The following PTPRN2 variants were observed in gnomAD, a reference collection of about 807,000 sequenced individuals.
The protein encoded by PTPRN2 is protein tyrosine phosphatase receptor type N2.
PTPRN2 carries 74 observed loss-of-function variants against 118.8 expected under a neutral mutation model. The observed-to-expected ratio is 0.62, with a 90% CI of 0.52 to 0.76. PTPRN2 has a LOEUF of 0.76. Ranked by LOEUF, PTPRN2 falls within the 30% of genes least tolerant of loss-of-function variation. PTPRN2 has a pLI of 0.00. For missense variants in PTPRN2, 1,481 were observed against 1,394.4 expected (o/e 1.06, Z -0.99); for synonymous variants, 641 against 608.0 (o/e 1.05, Z -0.80).
intron 9 of PTPRN2, among the ~76,000 whole-genome samples, chr7:158,123,883 G>T (rs1268813872): frequency 6.6e-6 from 1 of 152,082 alleles, no homozygotes; most frequent in African/African-American, 2.4e-5. Flanking sequence ...TTGGATCTCA[G>T]ATCCCGTGCC....
chr7:158,432,657 A>G (rs1054819817), intron 2 of PTPRN2, among the ~76,000 whole-genome samples: 1 of 152,266 alleles, frequency 6.6e-6, no homozygotes, highest in Non-Finnish European at 1.5e-5. Flanking sequence ...TTGTTGAGAT[A>G]CTATGCATTC....
intron 12 of PTPRN2, among the ~76,000 whole-genome samples, chr7:157,842,420 T>C (rs1808493786): frequency 1.4e-5 from 2 of 140,604 alleles, no homozygotes; most frequent in South Asian, 4.5e-4. Flanking sequence ...CTTTTTTTTT[T>C]TTTTTTTTTT....
chr7:157,639,686 A>G (rs1804555988), intron 14 of PTPRN2, among the ~76,000 whole-genome samples: 1 of 152,204 alleles, frequency 6.6e-6, no homozygotes, highest in Admixed American at 6.5e-5. Flanking sequence ...AGGGTCTTGG[A>G]CTTTGCTGCC....
intron 2 of PTPRN2, among the ~76,000 whole-genome samples, chr7:158,325,676 G>A (rs969407895): frequency 2.0e-5 from 3 of 152,214 alleles, no homozygotes; most frequent in African/African-American, 4.8e-5. Flanking sequence ...GATGAGAGGC[G>A]TGGGAGGCTG....
chr7:158,437,921 T>G (rs943830166), intron 2 of PTPRN2, among the ~76,000 whole-genome samples: 1 of 152,344 alleles, frequency 6.6e-6, no homozygotes, highest in Middle Eastern at 3.4e-3. Flanking sequence ...TGTGTGTTGA[T>G]GACCCTATGA....
At chr7:158,366,578 G>C (rs776034649) in intron 2 of PTPRN2, among the ~76,000 whole-genome samples, 1 of 152,190 alleles carries the variant, frequency 6.6e-6, no homozygotes, top group Non-Finnish European at 1.5e-5. Flanking sequence ...AGCCCACAGC[G>C]CCTTGTTTCC....
Position 158,270,762 on chromosome 7 carries a change from ACCACC to A in PTPRN2, c.277+46052_277+46056del, listed in dbSNP as rs1563066924. Reference sequence around the variant, plus strand: ...TACCTGAGCCGTCTTCTCCACCTGGACCACCCCGTCCACCTGGACCACCCCTCCAC... The same window carrying A: ...TACCTGAGCCGTCTTCTCCACCTGGACCGTCCACCTGGACCACCCCTCCAC... On this transcript the variant is annotated intron_variant, in intron 3 of 22. Transcript: ENST00000389418. Among the ~76,000 whole-genome samples, 6 of 140,900 alleles carry A rather than the reference ACCACC, an allele frequency of 4.3e-5. 1 individual carries two copies. The highest frequency in any genetic ancestry group is 4.5e-4 in the South Asian group (2 of 4,422). 92.4% of individuals were successfully genotyped at this position (140,900 alleles called of 152,430 possible). A position where few individuals can be genotyped will look rare whatever the true frequency, so the allele number is the denominator to read the frequency against.
chr7:157,692,234 C>T (rs1332432308), intron 12 of PTPRN2, among the ~76,000 whole-genome samples: 4 of 152,058 alleles, frequency 2.6e-5, no homozygotes, highest in African/African-American at 7.2e-5. Flanking sequence ...TCCCGCCGCA[C>T]ACCCGGCTGC....
At chr7:158,133,310 G>A (rs1818526716) in intron 9 of PTPRN2, among the ~76,000 whole-genome samples, 1 of 152,198 alleles carries the variant, frequency 6.6e-6, no homozygotes, top group Non-Finnish European at 1.5e-5. Flanking sequence ...ACACTTACCT[G>A]CCCCGAGACC....
chr7:157,901,704 GGCCTTCCCGTCCGTGTTTCCTGGGTCCT>G (rs1425901079), intron 11 of PTPRN2, among the ~76,000 whole-genome samples: 4 of 90,866 alleles, frequency 4.4e-5, no homozygotes, highest in African/African-American at 2.0e-4. Flanking sequence ...CCCGAAGTGG[GGCCTTCCCGTCCGTGTTTCCTGGGTCCT>G]GAGGTGGGGC....
At chr7:158,434,144 G>A (rs1030046703) in intron 2 of PTPRN2, among the ~76,000 whole-genome samples, 1 of 152,080 alleles carries the variant, frequency 6.6e-6, no homozygotes, top group Non-Finnish European at 1.5e-5. Flanking sequence ...TGTATGCTGT[G>A]TGCACTGGAA....
chr7:158,389,495 A>C (rs1811757295), intron 2 of PTPRN2, among the ~76,000 whole-genome samples: 1 of 152,260 alleles, frequency 6.6e-6, no homozygotes, highest in African/African-American at 2.4e-5. Context: ...TCCCTTGCAC[A>C]GACACCAGAG....
intron 12 of PTPRN2, among the ~76,000 whole-genome samples, chr7:157,804,613 TA>T (rs1320060044): frequency 6.6e-6 from 1 of 152,040 alleles, no homozygotes; most frequent in Non-Finnish European, 1.5e-5. Flanking sequence ...GGGTGACACA[TA>T]AGGTGAGGAC....
intron 12 of PTPRN2, among the ~76,000 whole-genome samples, chr7:157,772,408 CAT>C (rs1450668690): frequency 6.6e-6 from 1 of 152,134 alleles, no homozygotes; most frequent in Non-Finnish European, 1.5e-5. Context: ...CAGAGACACA[CAT>C]AGACACAAAC....
At chr7:157,981,732 G>A (rs1019857297) in intron 11 of PTPRN2, among the ~76,000 whole-genome samples, 8 of 152,220 alleles carry the variant, frequency 5.3e-5, no homozygotes, top group African/African-American at 9.6e-5. Flanking sequence ...ACCCTTGGGC[G>A]TTTCCAAGTT....
chr7:157,665,784 C>T (rs1308055738), intron 13 of PTPRN2, among the ~76,000 whole-genome samples: 1 of 152,206 alleles, frequency 6.6e-6, no homozygotes, highest in Non-Finnish European at 1.5e-5. Flanking sequence ...CACATATACA[C>T]CATGGAATAC....
chr7:158,128,555 C>G (rs1817885551), intron 9 of PTPRN2, among the ~76,000 whole-genome samples: 1 of 152,134 alleles, frequency 6.6e-6, no homozygotes. Flanking sequence ...CAAGCACAGA[C>G]AGGAAATGAC....
intron 19 of PTPRN2, among the ~76,000 whole-genome samples, chr7:157,574,770 C>T (rs1168630011): frequency 1.3e-5 from 2 of 152,214 alleles, no homozygotes; most frequent in South Asian, 2.1e-4. Flanking sequence ...TCGCTGAAAT[C>T]GGGGTGGCTA....
chr7:157,782,672 A>T (rs759681198), intron 12 of PTPRN2, among the ~76,000 whole-genome samples: 3 of 152,264 alleles, frequency 2.0e-5, no homozygotes, highest in African/African-American at 7.2e-5. Context: ...CGGTACTCCA[A>T]GAAATTATTT....
Sources: allele counts gnomAD v4.1 joint callset (sites outside exome capture counted in the v4.1 genomes callset), GRCh38; gene constraint gnomAD v4.1.1; transcripts MANE v1.5; gene names NCBI Gene and HGNC (gene_info 2026-07-23, HGNC 2026-07-21).